Variants in ITGA6 observed in about 807,000 individuals in gnomAD.
ITGA6 encodes the protein integrin alpha-6.
Under a neutral mutation model 133.6 loss-of-function variants are expected in ITGA6, and 63 were observed. That is an observed-to-expected ratio of 0.47 (90% confidence interval 0.38 to 0.58). The LOEUF is 0.58. Among genes scored for constraint, ITGA6 ranks in the 20% least tolerant of loss-of-function variants. The pLI is 0.00. For missense variants in ITGA6, 1,068 were observed against 1,309.4 expected, an observed-to-expected ratio of 0.82 and a Z score of 2.85; for synonymous variants, 434 against 482.0, an observed-to-expected ratio of 0.90 and a Z score of 1.30.
chr2:172,446,743 G>A (rs766203472), intron 1 of ITGA6, among the ~76,000 whole-genome samples: 8 of 152,206 alleles, frequency 5.3e-5, no homozygotes, highest in Non-Finnish European at 8.8e-5. Context: ...GCTGCCTTGT[G>A]AAACTGAAAG....
intron 11 of ITGA6, among the ~76,000 whole-genome samples, chr2:172,482,799 A>G (rs996681609): frequency 6.6e-6 from 1 of 152,208 alleles, no homozygotes; most frequent in Non-Finnish European, 1.5e-5. Flanking sequence ...AAAAATTACT[A>G]TTGAAACTGT....
chr2:172,504,796 G>C lies in ITGA6; in HGVS notation c.*728G>C, dbSNP rs1687491795. The C allele has an allele frequency of 6.5e-6, 1 of 152,742 alleles. No homozygotes were observed. Among genetic ancestry groups the C allele is most frequent in the South Asian group, 2.1e-4 (1 of 4,832 alleles). 9.5% of individuals were successfully genotyped at this position (152,742 alleles called of 1,614,324 possible). A position where few individuals can be genotyped will look rare whatever the true frequency, so the allele number is the denominator to read the frequency against. On this transcript the variant is annotated 3_prime_UTR_variant, in exon 26 of 26. Coordinates refer to ENST00000684293, the MANE Select transcript of ITGA6 (RefSeq NM_000210.4). ...GTCTTTTCCTGTTTCCTAGCTGTGT[G>C]AATACCTGCTCACGTCAAATGCATA...
At chr2:172,504,010 GA>G in intron 25 of ITGA6, 80 bp from the exon 26 acceptor site, 3 of 1,113,668 alleles carry the variant, frequency 2.7e-6, no homozygotes, top group Non-Finnish European at 3.7e-6. Context: ...TAGCTGAACA[GA>G]AAGCTTAGAC....
chr2:172,456,065 A>G (rs1003681843), intron 1 of ITGA6, among the ~76,000 whole-genome samples: 3 of 152,220 alleles, frequency 2.0e-5, no homozygotes, highest in Non-Finnish European at 4.4e-5. Flanking sequence ...GCAGGCCACC[A>G]GGTTTGCTGA....
At chr2:172,461,376 C>T (rs970361000) in intron 1 of ITGA6, among the ~76,000 whole-genome samples, 3 of 152,252 alleles carry the variant, frequency 2.0e-5, no homozygotes, top group East Asian at 1.9e-4. Flanking sequence ...GTCCACTGGC[C>T]GGTTTTGAAA....
chr2:172,471,558 C>G (rs573359357), intron 5 of ITGA6, among the ~76,000 whole-genome samples: 1 of 152,160 alleles, frequency 6.6e-6, no homozygotes, highest in Non-Finnish European at 1.5e-5. Flanking sequence ...CCAGGTCCTC[C>G]CTCTGTGATT....
intron 5 of ITGA6, chr2:172,472,768 G>A (rs971706385): frequency 5.7e-6 from 9 of 1,581,120 alleles, no homozygotes; most frequent in South Asian, 1.1e-5. Context: ...CCGTGCATGC[G>A]TACAGGCCTG....
chr2:172,453,142 T>G (rs77482729), intron 1 of ITGA6, among the ~76,000 whole-genome samples: 3,446 of 152,252 alleles, frequency 0.023, 125 homozygotes, highest in African/African-American at 0.078. Flanking sequence ...TCTACATCAC[T>G]TTTACTCAGA....
intron 11 of ITGA6, among the ~76,000 whole-genome samples, chr2:172,483,978 T>A (rs1348769669): frequency 2.0e-5 from 3 of 152,106 alleles, no homozygotes; most frequent in Non-Finnish European, 4.4e-5. Context: ...GCCCAGCTAA[T>A]TTTTGTATTT....
intron 8 of ITGA6, 80 bp downstream of exon 8, chr2:172,475,765 T>C: frequency 1.2e-6 from 1 of 813,190 alleles, no homozygotes; most frequent in Non-Finnish European, 2.2e-6. Flanking sequence ...TAAGTGACTT[T>C]TCACACAAAT....
intron 11 of ITGA6, among the ~76,000 whole-genome samples, chr2:172,480,561 A>G (rs6433361): frequency 0.99 from 151,441 of 152,220 alleles, 75,337 homozygotes; most frequent in Middle Eastern, 1. Flanking sequence ...GGAATTTGCA[A>G]GCCGGCCCTG....
chr2:172,428,540 C>A (rs1308219575), intron 1 of ITGA6: 2 of 111,740 alleles, frequency 1.8e-5, no homozygotes, highest in East Asian at 9.4e-4. Flanking sequence ...CTTTTACATG[C>A]CTTTGAAAAA....
intron 2 of ITGA6, chr2:172,465,994 G>C (rs1685656086): frequency 2.5e-6 from 1 of 393,626 alleles, no homozygotes; most frequent in African/African-American, 2.0e-5. Context: ...AGCGTATCTT[G>C]TATTCATCAG....
Position 172,475,103 on chromosome 2 carries a change from T to G in ITGA6, c.1161T>G (p.Ile387Met). Residue 387 changes from isoleucine (I) to methionine (M), a missense_variant, in exon 7 of 26, where the codon ATT becomes ATG. Physicochemically the swap from Ile to Met is conservative, Grantham distance 10 (BLOSUM62 1). Transcript: ENST00000684293. Reference sequence around the variant, plus strand: ...TTGCAGTAAAAAATATTGGAGATATTAATCAAGATGGCTACCCAGGTAGAT... The same window carrying G: ...TTGCAGTAAAAAATATTGGAGATATGAATCAAGATGGCTACCCAGGTAGAT... ...FGIAVKNIGD[I>M]NQDGYPDIAV... 1 of 1,579,646 alleles carries G rather than the reference T, an allele frequency of 6.3e-7. No homozygotes were observed. Among genetic ancestry groups the G allele is most frequent in the Admixed American group, 1.7e-5 (1 of 59,992 alleles).
At chr2:172,461,590 A>C (rs963605207) in intron 1 of ITGA6, among the ~76,000 whole-genome samples, 1 of 152,228 alleles carries the variant, frequency 6.6e-6, no homozygotes, top group Admixed American at 6.5e-5. Flanking sequence ...TGGGATGGTC[A>C]GTAATGAGTG....
intron 1 of ITGA6, among the ~76,000 whole-genome samples, chr2:172,447,166 G>A (rs1684801208): frequency 6.6e-6 from 1 of 152,092 alleles, no homozygotes; most frequent in East Asian, 1.9e-4. Context: ...CCAAAGTGCT[G>A]GGATTATAGG....
At chr2:172,434,675 A>G (rs1684244903) in intron 1 of ITGA6, among the ~76,000 whole-genome samples, 2 of 152,124 alleles carry the variant, frequency 1.3e-5, no homozygotes, top group Non-Finnish European at 2.9e-5. Context: ...GCAAGTCACA[A>G]AGGGCAAAAA....
At position 172,487,085 on chromosome 2, in the gene ITGA6, A is replaced by C; in HGVS notation, c.1917A>C (p.Glu639Asp). The C allele has an allele frequency of 6.2e-7, 1 of 1,613,502 alleles. No homozygotes were observed. The highest frequency in any genetic ancestry group is 8.5e-7 in the Non-Finnish European group (1 of 1,179,408). The change falls in exon 14 of 26, where the codon GAA becomes GAC. Residue 639 changes from glutamate (E) to aspartate (D), a missense_variant. Physicochemically the swap from Glu to Asp is conservative, Grantham distance 45. Transcript: ENST00000684293. ...DNVCNSNLKL[E>D]YKFCTREGNQ... ...TATGTAACAGCAACCTTAAACTAGAATATAAATTTTGCACCCGAGAAGGAA... is the reference window on the plus strand; with the variant it reads ...TATGTAACAGCAACCTTAAACTAGACTATAAATTTTGCACCCGAGAAGGAA...
chr2:172,475,976 T>C (rs982566274), intron 8 of ITGA6, among the ~76,000 whole-genome samples: 1 of 152,208 alleles, frequency 6.6e-6, no homozygotes, highest in Non-Finnish European at 1.5e-5. Flanking sequence ...AAATACGATA[T>C]ATTCTCTTTA....
Sources: gnomAD v4.1 joint callset for allele counts (sites outside exome capture counted in the v4.1 genomes callset) on GRCh38, gnomAD v4.1.1 for gene constraint, MANE v1.5 for transcripts, NCBI Gene and HGNC (gene_info 2026-07-23, HGNC 2026-07-21) for gene names.